The following DBI variants were observed in gnomAD, a reference collection of about 807,000 sequenced individuals.
The protein encoded by DBI is diazepam binding inhibitor, acyl-CoA binding protein.
In DBI, 12 loss-of-function variants were observed where a neutral mutation model predicts 13.0. That is an observed-to-expected ratio of 0.92 (90% CI 0.59 to 1.49). The LOEUF (loss-of-function observed/expected upper bound fraction) is 1.49. Among genes scored for constraint, DBI ranks in the 40% most tolerant of loss-of-function variants. The pLI is 0.00. For missense variants in DBI, 95 were observed against 104.8 expected (o/e 0.91, Z 0.41); for synonymous variants, 37 against 37.4 (o/e 0.99, Z 0.04).
intron 2 of DBI, among the ~76,000 whole-genome samples, chr2:119,369,721 G>C (rs182696880): frequency 7.2e-5 from 11 of 152,316 alleles, no homozygotes; most frequent in African/African-American, 2.4e-4. Context: ...GGGAGGTAGA[G>C]GTTGTGGTGA....
chr2:119,368,146 C>T, intron 1 of DBI, 42 bp from the exon 2 acceptor site: 3 of 1,561,374 alleles, frequency 1.9e-6, no homozygotes, highest in Non-Finnish European at 2.6e-6. Flanking sequence ...CCCTCTCCCA[C>T]CCAGAGGAGG....
At chr2:119,367,973 C>T (rs1449269747) in intron 1 of DBI, 7 of 1,613,784 alleles carry the variant, frequency 4.3e-6, no homozygotes, top group East Asian at 2.2e-5. Context: ...AATGAGTGAA[C>T]TGGAGGGGCT....
chr2:119,367,816 C>G, intron 1 of DBI: 1 of 1,612,636 alleles, frequency 6.2e-7, no homozygotes, highest in East Asian at 2.2e-5. Flanking sequence ...GTGCCTGGCC[C>G]GGTGGTGGCC....
In DBI at chr2:119,368,319, G is replaced by T; in HGVS notation, c.127+14G>T. ...ACATAAATACAGGTATGCAGAGCGG[G>T]GGTTGGAAGGGCATCTGCTCATCAA... On this transcript the variant is annotated intron_variant, in intron 2 of 3. Coordinates refer to ENST00000355857, the MANE Select transcript of DBI (RefSeq NM_001079862.4). 1 of 1,584,900 alleles carries T rather than the reference G, an allele frequency of 6.3e-7. No individual in the cohort carries two copies. Among genetic ancestry groups the T allele is most frequent in the Non-Finnish European group, 8.7e-7 (1 of 1,153,420 alleles).
chr2:119,371,852 C>T (rs929094572), intron 3 of DBI, among the ~76,000 whole-genome samples: 2 of 152,220 alleles, frequency 1.3e-5, no homozygotes, highest in South Asian at 2.1e-4. Context: ...AAAACAGAGA[C>T]ACTGAAAAGG....
intron 2 of DBI, among the ~76,000 whole-genome samples, chr2:119,370,046 C>T (rs923296748): frequency 1.3e-5 from 2 of 152,136 alleles, no homozygotes; most frequent in Non-Finnish European, 2.9e-5. Context: ...TCCCTGAAAG[C>T]GCTCAGGGAC....
chr2:119,370,697 A>G, intron 2 of DBI, 43 bp from the exon 3 acceptor site: 2 of 1,573,930 alleles, frequency 1.3e-6, no homozygotes, highest in South Asian at 2.2e-5. Context: ...GTTCTCCATT[A>G]GAATTTGAAC....
intron 2 of DBI, among the ~76,000 whole-genome samples, chr2:119,369,971 G>A (rs1681395990): frequency 6.6e-6 from 1 of 152,140 alleles, no homozygotes; most frequent in African/African-American, 2.4e-5. Flanking sequence ...CTGTCGAGGA[G>A]TGCTATTCTA....
chr2:119,371,562 C>G (rs1681517669), intron 3 of DBI, among the ~76,000 whole-genome samples: 1 of 152,226 alleles, frequency 6.6e-6, no homozygotes, highest in Non-Finnish European at 1.5e-5. Flanking sequence ...TCCTCAGGCC[C>G]CATGTACTCT....
In DBI at chr2:119,368,191, G is replaced by T. The variant is rs757795393; in HGVS notation, c.13G>T (p.Glu5Ter). 6.2e-7 allele frequency: 1 copy of T among 1,613,214 alleles called. No homozygotes were observed. Among genetic ancestry groups the T allele is most frequent in the Non-Finnish European group, 8.5e-7 (1 of 1,179,772 alleles). ...CTCTCCTCTCCCTTCCATTTAGGCT[G>T]AGTTTGAGAAAGCTGCAGAGGAGGT... MSQA[E>*]FEKAAEEVRH... The change falls in exon 2 of 4, where the codon GAG becomes TAG. Residue 5 changes from glutamate (E) to a stop codon, truncating the protein, a stop_gained. Transcript: ENST00000355857. LOFTEE classifies it high-confidence loss of function.
At chr2:119,367,545 T>G (rs1409875575) in intron 1 of DBI, 1 of 1,610,796 alleles carries the variant, frequency 6.2e-7, no homozygotes, top group South Asian at 1.1e-5. Context: ...CAGGGGCCCC[T>G]CCCTTCTCTC....
rs114417545 is a variant in DBI at position 119,368,176 on chromosome 2, C to A, written c.10-12C>A. On this transcript the variant is annotated splice_polypyrimidine_tract_variant and intron_variant, in intron 1 of 3. Transcript: ENST00000355857. ...AGGAGGCCCTCAATCCTCTCCTCTC[C>A]CTTCCATTTAGGCTGAGTTTGAGAA... The A allele has an allele frequency of 3.5e-3, 5,557 of 1,610,184 alleles. 117 individuals are homozygous for A. The African/African-American group carries it at 0.049, about 14-fold the overall frequency.
intron 3 of DBI, among the ~76,000 whole-genome samples, chr2:119,371,159 G>T (rs913562830): frequency 6.6e-6 from 1 of 152,152 alleles, no homozygotes; most frequent in African/African-American, 2.4e-5. Flanking sequence ...GCCAGGCGGT[G>T]ACCCCCTAAC....
chr2:119,372,053 A>G (rs1248954705), intron 3 of DBI, among the ~76,000 whole-genome samples, 192 bp from the exon 4 acceptor site: 2 of 152,248 alleles, frequency 1.3e-5, no homozygotes, highest in Non-Finnish European at 2.9e-5. Context: ...CTTTCTGAGC[A>G]CAGTTGCTTA....
In DBI at chr2:119,370,890, C is replaced by T. The variant is rs528461301; in HGVS notation, c.190+88C>T. The stretch of plus-strand genomic sequence containing the variant: ...AAGTGTAAGGGAAGAGGAGAGAAAA[C>T]AAAGTCAATGGGGCACGTGTGGGAA... On this transcript the variant is annotated intron_variant, in intron 3 of 3. Coordinates refer to ENST00000355857, the MANE Select transcript of DBI (RefSeq NM_001079862.4). 4.7e-6 allele frequency: 6 copies of T among 1,264,922 alleles called. No individual in the cohort carries two copies. The Admixed American group carries it at 6.1e-5, about 13-fold the overall frequency. 78.4% of individuals were successfully genotyped at this position (1,264,922 alleles called of 1,614,324 possible).
chr2:119,371,650 GTC>G (rs1573730143), intron 3 of DBI, among the ~76,000 whole-genome samples: 1 of 152,310 alleles, frequency 6.6e-6, no homozygotes, highest in East Asian at 1.9e-4. Flanking sequence ...GGGTGTCACT[GTC>G]TCTGAGGGAT....
At chr2:119,367,604 T>C in intron 1 of DBI, 1 of 1,614,004 alleles carries the variant, frequency 6.2e-7, no homozygotes, top group African/African-American at 1.3e-5. Context: ...GACCTCTGGC[T>C]CCTCCCGCCT....
intron 2 of DBI, 71 bp downstream of exon 2, chr2:119,368,376 T>C (rs148851266): frequency 8.7e-7 from 1 of 1,150,560 alleles, no homozygotes; most frequent in Non-Finnish European, 1.3e-6. Flanking sequence ...TGGAAGTCCC[T>C]GGGAACTTCA....
At position 119,370,814 on chromosome 2, in the gene DBI, A is replaced by G. The variant is rs750124552; in HGVS notation, c.190+12A>G. 1 of 1,611,304 alleles carries G rather than the reference A, an allele frequency of 6.2e-7. No homozygotes were observed. The highest frequency in any genetic ancestry group is 1.1e-5 in the South Asian group (1 of 90,764). On this transcript the variant is annotated intron_variant, in intron 3 of 3. Transcript: ENST00000355857. ...GAATGAGCTGAAAGGTAATTGTTCT[A>G]ATCAATTTCTCTCATTTGTGAAACC...
Sources: allele counts gnomAD v4.1 joint callset (sites outside exome capture counted in the v4.1 genomes callset), GRCh38; gene constraint gnomAD v4.1.1; transcripts MANE v1.5; gene names NCBI Gene and HGNC (gene_info 2026-07-23, HGNC 2026-07-21).